The following PTGER3 variants were observed in gnomAD, a reference collection of about 807,000 sequenced individuals.
The protein encoded by PTGER3 is prostaglandin E receptor 3.
In PTGER3, 22 loss-of-function variants were observed where a neutral mutation model predicts 34.7. The ratio of observed to expected loss-of-function variants is 0.63; its 90% CI spans 0.45 to 0.91. The LOEUF (loss-of-function observed/expected upper bound fraction) is 0.91. Ranked by LOEUF, PTGER3 falls within the 40% of genes least tolerant of loss-of-function variation. PTGER3 has a pLI of 0.00. For missense variants in PTGER3, 468 were observed against 519.4 expected (o/e 0.90, Z 0.96); for synonymous variants, 241 against 230.1 (o/e 1.05, Z -0.43).
At chr1:70,978,193 T>G (rs960956578) in intron 2 of PTGER3, among the ~76,000 whole-genome samples, 1 of 152,120 alleles carries the variant, frequency 6.6e-6, no homozygotes, top group African/African-American at 2.4e-5. Context: ...TAATTGGTTT[T>G]CATTCCTGTG....
At chr1:71,031,984 G>A (rs952597012) in intron 1 of PTGER3, among the ~76,000 whole-genome samples, 2 of 152,084 alleles carry the variant, frequency 1.3e-5, no homozygotes, top group South Asian at 2.1e-4. Context: ...TTGGATCCAG[G>A]CAAATCCCTA....
At chr1:71,018,716 CG>C in intron 1 of PTGER3, among the ~76,000 whole-genome samples, 1 of 152,128 alleles carries the variant, frequency 6.6e-6, no homozygotes, top group South Asian at 2.1e-4. Context: ...TAAAATGATA[CG>C]TCAGTCATTT....
chr1:70,987,410 A>G (rs1047646911), intron 2 of PTGER3, among the ~76,000 whole-genome samples: 1 of 152,254 alleles, frequency 6.6e-6, no homozygotes, highest in Non-Finnish European at 1.5e-5. Flanking sequence ...TACAAGAAAT[A>G]TAGCTCAGAT....
downstream of PTGER3, among the ~76,000 whole-genome samples, chr1:70,968,953 T>C (rs1364114428): frequency 6.6e-6 from 1 of 152,076 alleles, no homozygotes; most frequent in Non-Finnish European, 1.5e-5. Flanking sequence ...ACACCTGTAA[T>C]CCCAGCACTT....
chr1:70,863,982 A>G (rs139714677), intron 4 of PTGER3, among the ~76,000 whole-genome samples: 81 of 152,282 alleles, frequency 5.3e-4, no homozygotes, highest in African/African-American at 1.9e-3. Context: ...GGGAATCTAC[A>G]TGATGGAAAG....
chr1:70,922,051 G>A (rs1647580380), intron 4 of PTGER3, among the ~76,000 whole-genome samples: 2 of 152,074 alleles, frequency 1.3e-5, no homozygotes, highest in Non-Finnish European at 2.9e-5. Flanking sequence ...GTAAACATTA[G>A]GTCTAAATTA....
At chr1:70,921,614 T>G (rs1401417255) in intron 4 of PTGER3, among the ~76,000 whole-genome samples, 1 of 151,732 alleles carries the variant, frequency 6.6e-6, no homozygotes, top group Non-Finnish European at 1.5e-5. Flanking sequence ...CCCAGCAAAC[T>G]GGTCAGTTAT....
intron 4 of PTGER3, among the ~76,000 whole-genome samples, chr1:70,930,703 T>C (rs1319921962): frequency 6.6e-6 from 1 of 152,270 alleles, no homozygotes; most frequent in South Asian, 2.1e-4. Flanking sequence ...GATCTCATGA[T>C]ACTTATTCAC....
intron 4 of PTGER3, among the ~76,000 whole-genome samples, chr1:70,935,287 A>G (rs943037478): frequency 2.0e-5 from 3 of 152,318 alleles, no homozygotes; most frequent in Middle Eastern, 3.4e-3. Flanking sequence ...GAATCTAAAT[A>G]TTCTTTAACC....
intron 4 of PTGER3, among the ~76,000 whole-genome samples, chr1:70,924,807 C>T (rs1421395943): frequency 6.6e-6 from 1 of 152,094 alleles, no homozygotes; most frequent in East Asian, 1.9e-4. Context: ...AACTTGCTTT[C>T]ACTTTAATCC....
chr1:70,976,481 C>T (rs1267435980), intron 2 of PTGER3, among the ~76,000 whole-genome samples: 1 of 152,070 alleles, frequency 6.6e-6, no homozygotes, highest in Admixed American at 6.6e-5. Context: ...CTCAATTCTG[C>T]TATGGACTGC....
chr1:70,994,668 A>G (rs1169312805), intron 2 of PTGER3, among the ~76,000 whole-genome samples: 2 of 151,908 alleles, frequency 1.3e-5, no homozygotes, highest in Admixed American at 1.3e-4. Flanking sequence ...ATGTTGGCCA[A>G]CATATTCTTG....
downstream of PTGER3, chr1:70,951,276 C>T (rs946980581): frequency 6.6e-6 from 1 of 151,994 alleles, no homozygotes; most frequent in Non-Finnish European, 1.5e-5. Flanking sequence ...CACCATTGTT[C>T]AAGAAAACTT....
downstream of PTGER3, among the ~76,000 whole-genome samples, chr1:70,951,821 G>T (rs956778800): frequency 6.6e-6 from 1 of 152,090 alleles, no homozygotes; most frequent in Non-Finnish European, 1.5e-5. Context: ...AAACAAAAAG[G>T]TAGACAGACA....
downstream of PTGER3, chr1:70,952,307 GATGGGGTT>G (rs1650838324): frequency 6.9e-6 from 4 of 580,482 alleles, no homozygotes; most frequent in Non-Finnish European, 8.7e-6. Context: ...GTAACTTCGT[GATGGGGTT>G]ATGAACCCTG....
chr1:70,957,816 T>C (rs951648824), intron 2 of PTGER3, among the ~76,000 whole-genome samples: 2 of 152,204 alleles, frequency 1.3e-5, no homozygotes, highest in African/African-American at 4.8e-5. Context: ...AATTTAACGT[T>C]GCAGCAATTG....
chr1:70,862,545 T>C (rs1282020905), intron 4 of PTGER3: 2 of 374,212 alleles, frequency 5.3e-6, no homozygotes, highest in Non-Finnish European at 1.0e-5. Context: ...TGGCTTTGAC[T>C]TAGAAAGCTC....
intron 4 of PTGER3, among the ~76,000 whole-genome samples, chr1:70,860,154 A>C (rs917401574): frequency 6.6e-6 from 1 of 151,824 alleles, no homozygotes; most frequent in African/African-American, 2.4e-5. Flanking sequence ...CCAAACTGAC[A>C]AAAATGGCTC....
intron 1 of PTGER3, among the ~76,000 whole-genome samples, chr1:71,015,177 C>T (rs964438293): frequency 3.9e-5 from 6 of 152,056 alleles, no homozygotes; most frequent in Non-Finnish European, 8.8e-5. Context: ...CTGATTATTC[C>T]AAACCACTGG....
Sources: gnomAD v4.1 joint callset for allele counts (sites outside exome capture counted in the v4.1 genomes callset) on GRCh38, gnomAD v4.1.1 for gene constraint, MANE v1.5 for transcripts, NCBI Gene and HGNC (gene_info 2026-07-23, HGNC 2026-07-21) for gene names.